Variants in TEPSIN observed in about 807,000 individuals in gnomAD.
The protein encoded by TEPSIN is AP-4 complex accessory subunit tepsin.
TEPSIN carries 50 observed loss-of-function variants against 48.5 expected under a neutral mutation model. The ratio of observed to expected loss-of-function variants is 1.03; its 90% CI spans 0.82 to 1.31. TEPSIN has a LOEUF of 1.31. TEPSIN is among the 50% of genes most tolerant of loss of function. The pLI, the probability that TEPSIN is intolerant of heterozygous loss-of-function variation, is 0.00. For synonymous variants in TEPSIN, 392 were observed against 358.8 expected, an observed-to-expected ratio of 1.09 and a Z score of -1.05; for missense variants, 838 against 815.9, an observed-to-expected ratio of 1.03 and a Z score of -0.33.
intron 11 of TEPSIN, 73 bp downstream of exon 11, chr17:81,231,319 GCACACA>G (rs972912771): frequency 2.6e-4 from 352 of 1,375,822 alleles, no homozygotes; most frequent in Admixed American, 1.5e-3. Flanking sequence ...AGGCACACGT[GCACACA>G]CACGCACACG....
At chr17:81,238,539 C>T (rs1250154273) in intron 1 of TEPSIN, 7 of 879,178 alleles carry the variant, frequency 8.0e-6, no homozygotes, top group Non-Finnish European at 8.3e-6. Flanking sequence ...TCTGTCCCTT[C>T]GAGACGTCTG....
intron 4 of TEPSIN, among the ~76,000 whole-genome samples, chr17:81,236,416 C>T (rs1311029689): frequency 1.3e-5 from 2 of 152,168 alleles, no homozygotes; most frequent in African/African-American, 4.8e-5. Context: ...GGGCAGCAAG[C>T]GCAGGGACAG....
rs944622504 is a variant in TEPSIN, at chr17:81,237,150, C to G, written c.122-79G>C. ...GCAGGGAGACCAGGCCATGGGGCCTCTCAGTTCACGCTCCCTGGAGGCGCC... is the reference window on the plus strand; with the variant it reads ...GCAGGGAGACCAGGCCATGGGGCCTGTCAGTTCACGCTCCCTGGAGGCGCC... On this transcript the variant is annotated intron_variant, in intron 2 of 12. Transcript: ENST00000637944. The G allele has an allele frequency of 9.7e-6, 14 of 1,437,472 alleles. No homozygotes were observed. In the African/African-American group the frequency reaches 1.8e-4, roughly 19 times the overall value. The allele number at this position is 1,437,472 out of a possible 1,614,324, so 89.0% of individuals were successfully genotyped here.
intron 4 of TEPSIN, among the ~76,000 whole-genome samples, chr17:81,236,363 G>A (rs1486163418): frequency 6.6e-6 from 1 of 152,232 alleles, no homozygotes; most frequent in East Asian, 1.9e-4. Flanking sequence ...TGGGATGGAG[G>A]GGGAAGACCC....
chr17:81,238,524 C>T, intron 1 of TEPSIN: 1 of 761,188 alleles, frequency 1.3e-6, no homozygotes, highest in Non-Finnish European at 1.6e-6. Flanking sequence ...AATGGTGCGT[C>T]CTTCTCTGTC....
At chr17:81,229,686 G>C (rs796664960) in intron 12 of TEPSIN, 3 of 599,454 alleles carry the variant, frequency 5.0e-6, no homozygotes, top group East Asian at 5.8e-5. Flanking sequence ...CTGGCGACAC[G>C]GGGCAGGTGT....
chr17:81,232,589 T>G lies in TEPSIN; in HGVS notation c.527-71A>C, dbSNP rs556082729. 7.8e-4 allele frequency: 1,081 copies of G among 1,390,980 alleles called. 1 individual carries two copies. Among genetic ancestry groups the G allele is most frequent in the Non-Finnish European group, 9.0e-4 (931 of 1,036,050 alleles). 86.2% of individuals were successfully genotyped at this position (1,390,980 alleles called of 1,614,324 possible). On this transcript the variant is annotated intron_variant, in intron 7 of 12. Transcript: ENST00000637944. ...CCACCCGCGTTCTCTGGGAGCAGGG[T>G]GCCCGCATCGGCTCCCTGCTCAAGC...
chr17:81,229,517 C>T, intron 12 of TEPSIN, 41 bp from the exon 13 acceptor site: 1 of 1,545,582 alleles, frequency 6.5e-7, no homozygotes, highest in African/African-American at 1.4e-5. Flanking sequence ...CCTATGCAAC[C>T]CTGGGAAATG....
intron 1 of TEPSIN, chr17:81,238,476 G>A: frequency 2.3e-6 from 1 of 438,318 alleles, no homozygotes; most frequent in Non-Finnish European, 3.0e-6. Context: ...ACTCGCCCCG[G>A]CCTCTACTTC....
rs748787472 is a variant in TEPSIN at position 81,237,518 on chromosome 17, C to T, written c.49-59G>A. ...GTGCCATTTCCCACAGGGGTGAATCCGCAGCCCCCCAAAGGGGATGGAAAC... is the reference window on the plus strand; with the variant it reads ...GTGCCATTTCCCACAGGGGTGAATCTGCAGCCCCCCAAAGGGGATGGAAAC... On this transcript the variant is annotated intron_variant, in intron 1 of 12. Coordinates refer to ENST00000637944, the MANE Select transcript of TEPSIN (RefSeq NM_001363764.2). 1.4e-5 allele frequency: 22 copies of T among 1,527,874 alleles called. No homozygotes were observed. In the Middle Eastern group the frequency reaches 1.4e-3, roughly 96 times the overall value. 94.6% of individuals were successfully genotyped at this position (1,527,874 alleles called of 1,614,324 possible).
At chr17:81,238,520 G>T in intron 1 of TEPSIN, 1 of 725,494 alleles carries the variant, frequency 1.4e-6, no homozygotes, top group Non-Finnish European at 1.7e-6. Context: ...TTACAATGGT[G>T]CGTCCTTCTC....
intron 8 of TEPSIN, 72 bp downstream of exon 8, chr17:81,232,243 T>G: frequency 7.0e-7 from 1 of 1,432,990 alleles, no homozygotes; most frequent in Non-Finnish European, 9.2e-7. Flanking sequence ...TTTGCCTCCG[T>G]GGCCGCAAAG....
At chr17:81,237,552 TCTCA>T in intron 1 of TEPSIN, 93 bp from the exon 2 acceptor site, 1 of 1,298,362 alleles carries the variant, frequency 7.7e-7, no homozygotes, top group Non-Finnish European at 1.1e-6. Flanking sequence ...ACGACCCACC[TCTCA>T]CTGTTGACAT....
At chr17:81,238,278 C>T (rs12150535) in intron 1 of TEPSIN, 15,097 of 579,536 alleles carry the variant, frequency 0.026, 308 homozygotes, top group Admixed American at 0.11. Context: ...CAGGTGACAG[C>T]TGACAACTGC....
intron 4 of TEPSIN, among the ~76,000 whole-genome samples, chr17:81,235,347 C>T (rs1352939799): frequency 6.6e-6 from 1 of 152,248 alleles, no homozygotes; most frequent in Non-Finnish European, 1.5e-5. Flanking sequence ...TCACTGCACA[C>T]CCACCACCTG....
chr17:81,231,633 TCA>T lies in TEPSIN; in HGVS notation c.962_963del (p.Val321AspfsTer26), dbSNP rs1372341095. The T allele has an allele frequency of 1.9e-6, 3 of 1,613,034 alleles. No individual in the cohort carries two copies. The highest frequency in any genetic ancestry group is 2.5e-6 in the Non-Finnish European group (3 of 1,179,720). The stretch of plus-strand genomic sequence containing the variant: ...CTCAGGAAGGCGCGTGGTCCCCGAG[TCA>T]CAGTCCTCACCAAGCTCAACTCCTG... ...CQQELSLVRT[V>X]TRGPRAFLSR... On this transcript the variant is annotated frameshift_variant, in exon 10 of 13. Coordinates refer to ENST00000637944, the MANE Select transcript of TEPSIN (RefSeq NM_001363764.2). LOFTEE classifies it high-confidence loss of function.
chr17:81,231,713 T>G, intron 9 of TEPSIN, 22 bp from the exon 10 acceptor site: 1 of 1,610,178 alleles, frequency 6.2e-7, no homozygotes, highest in Non-Finnish European at 8.5e-7. Flanking sequence ...AATGGCCGGG[T>G]CAAGGGTGAG....
chr17:81,231,534 C>G (rs754694621), intron 10 of TEPSIN, 44 bp downstream of exon 10: 1 of 1,592,186 alleles, frequency 6.3e-7, no homozygotes, highest in South Asian at 1.1e-5. Context: ...CCCTCGCCCA[C>G]GGTTGGGGCT....
intron 1 of TEPSIN, 126 bp downstream of exon 1, chr17:81,238,860 G>C (rs2062773866): frequency 7.4e-7 from 1 of 1,351,702 alleles, no homozygotes; most frequent in African/African-American, 1.5e-5. Context: ...CGCGGGCGAA[G>C]GGGCCAGGAG....
Sources: gnomAD v4.1 joint callset for allele counts (sites outside exome capture counted in the v4.1 genomes callset) on GRCh38, gnomAD v4.1.1 for gene constraint, MANE v1.5 for transcripts, NCBI Gene and HGNC (gene_info 2026-07-23, HGNC 2026-07-21) for gene names.